Variants in DLG2 observed in about 807,000 individuals in gnomAD.
DLG2 encodes disks large homolog 2.
In DLG2, 45 loss-of-function variants were observed where a neutral mutation model predicts 132.5. That is an observed-to-expected ratio of 0.34 (90% confidence interval 0.27 to 0.44). The LOEUF is 0.44. DLG2 is among the 20% of genes least tolerant of loss of function. The pLI is 1.00. For missense variants in DLG2, 1,045 were observed against 1,196.9 expected (o/e 0.87, Z 1.87); for synonymous variants, 424 against 419.6 (o/e 1.01, Z -0.13).
At chr11:84,128,033 A>G (rs1261529737) in intron 9 of DLG2, among the ~76,000 whole-genome samples, 2 of 152,158 alleles carry the variant, frequency 1.3e-5, no homozygotes, top group African/African-American at 4.8e-5. Flanking sequence ...CCCCCTTTTC[A>G]ATGTTTGCTC....
At position 83,930,461 on chromosome 11, in the gene DLG2, T is replaced by G; in HGVS notation, c.1363A>C (p.Thr455Pro). The G allele has an allele frequency of 6.2e-7, 1 of 1,613,990 alleles. No individual in the cohort carries two copies. ...GGCTTATCACATAGTTTGTTCACAG[T>G]GCTGTAAACAGGTTCCGGAGGCCTG... ...YTRPPEPVYS[T>P]VNKLCDKPAS... Residue 455 changes from threonine (T) to proline (P), a missense_variant, in exon 15 of 28, where the codon ACT (threonine) becomes CCT (proline). Physicochemically the swap from Thr to Pro is conservative, Grantham distance 38. Transcript: ENST00000376104.
At chr11:85,519,078 T>C (rs1204333897) in intron 3 of DLG2, among the ~76,000 whole-genome samples, 3 of 151,806 alleles carry the variant, frequency 2.0e-5, no homozygotes, top group Admixed American at 6.6e-5. Flanking sequence ...AGGGCCCTCA[T>C]GGAGAACCTC....
At chr11:84,894,086 T>C (rs916554338) in intron 6 of DLG2, among the ~76,000 whole-genome samples, 1 of 152,186 alleles carries the variant, frequency 6.6e-6, no homozygotes, top group Non-Finnish European at 1.5e-5. Flanking sequence ...ATGTATACAA[T>C]GCCATCCTTT....
chr11:84,787,880 C>T (rs1169381714), intron 6 of DLG2, among the ~76,000 whole-genome samples: 1 of 150,680 alleles, frequency 6.6e-6, no homozygotes, highest in Admixed American at 6.6e-5. Flanking sequence ...AGGTGGATCA[C>T]TTGAGGCTAG....
chr11:83,694,862 G>A (rs12225390), intron 18 of DLG2, among the ~76,000 whole-genome samples: 28,286 of 152,166 alleles, frequency 0.19, 2,807 homozygotes, highest in South Asian at 0.24. Context: ...TCTTTTCACC[G>A]AATAGGTAAC....
chr11:84,784,366 A>T (rs139714059), intron 6 of DLG2, among the ~76,000 whole-genome samples: 34,600 of 147,364 alleles, frequency 0.23, 4,522 homozygotes, highest in Middle Eastern at 0.27. Context: ...ATAAATAAAT[A>T]AATTAAACAA....
intron 6 of DLG2, among the ~76,000 whole-genome samples, chr11:84,773,032 A>G (rs2069699242): frequency 1.3e-5 from 2 of 152,186 alleles, no homozygotes; most frequent in African/African-American, 4.8e-5. Context: ...AATAAGATCA[A>G]TAAACCACTA....
chr11:85,425,653 G>A (rs2090658236), intron 3 of DLG2, among the ~76,000 whole-genome samples: 1 of 151,990 alleles, frequency 6.6e-6, no homozygotes, highest in African/African-American at 2.4e-5. Flanking sequence ...AAAAAAATCG[G>A]GGGTGGAGGC....
intron 4 of DLG2, among the ~76,000 whole-genome samples, chr11:85,279,186 G>T (rs532631707): frequency 6.6e-6 from 1 of 152,114 alleles, no homozygotes; most frequent in Non-Finnish European, 1.5e-5. Context: ...AAGTAAAAAG[G>T]ATAGGTTAAA....
chr11:84,548,170 T>C (rs1033454685), intron 6 of DLG2, among the ~76,000 whole-genome samples: 1 of 152,140 alleles, frequency 6.6e-6, no homozygotes, highest in African/African-American at 2.4e-5. Context: ...AACAGTAACA[T>C]GCAGAGAAGA....
chr11:85,098,896 C>T (rs2070381153), intron 6 of DLG2, among the ~76,000 whole-genome samples: 1 of 152,174 alleles, frequency 6.6e-6, no homozygotes, highest in Non-Finnish European at 1.5e-5. Flanking sequence ...TCCCTCACTG[C>T]TATCCCTTCT....
At chr11:85,231,897 C>T (rs76383821) in intron 4 of DLG2, among the ~76,000 whole-genome samples, 117 of 152,016 alleles carry the variant, frequency 7.7e-4, no homozygotes, top group African/African-American at 2.6e-3. Context: ...ATGTAGCTCA[C>T]AAATATTTAG....
chr11:84,536,162 A>G (rs1233801509), intron 6 of DLG2, among the ~76,000 whole-genome samples: 2 of 152,304 alleles, frequency 1.3e-5, no homozygotes, highest in Non-Finnish European at 2.9e-5. Context: ...TAACAATGCC[A>G]TAACTGCAGT....
intron 7 of DLG2, among the ~76,000 whole-genome samples, chr11:84,477,026 G>A (rs765528296): frequency 9.9e-5 from 15 of 152,186 alleles, no homozygotes; most frequent in African/African-American, 2.4e-4. Flanking sequence ...TAGACAGACC[G>A]CAGGAAACAC....
chr11:83,690,841 G>T (rs2080865586), intron 18 of DLG2, among the ~76,000 whole-genome samples: 1 of 152,196 alleles, frequency 6.6e-6, no homozygotes, highest in African/African-American at 2.4e-5. Context: ...TTATATAAAA[G>T]TTACATGAAA....
At chr11:83,840,237 T>A (rs563917881) in intron 16 of DLG2, among the ~76,000 whole-genome samples, 2 of 152,330 alleles carry the variant, frequency 1.3e-5, no homozygotes, top group South Asian at 4.1e-4. Flanking sequence ...CAGTGTGTCA[T>A]AATTGCTCAT....
At chr11:85,030,170 A>G (rs77052820) in intron 6 of DLG2, among the ~76,000 whole-genome samples, 5,866 of 152,270 alleles carry the variant, frequency 0.039, 166 homozygotes, top group Non-Finnish European at 0.056. Flanking sequence ...ACTTTTGTCA[A>G]TATTTATCTT....
At chr11:84,270,006 A>G (rs2154363358) in intron 7 of DLG2, among the ~76,000 whole-genome samples, 1 of 152,316 alleles carries the variant, frequency 6.6e-6, no homozygotes, top group East Asian at 1.9e-4. Context: ...AGAAAATGTG[A>G]GTGAGCTGAT....
At chr11:84,589,056 G>A (rs1272449367) in intron 6 of DLG2, among the ~76,000 whole-genome samples, 1 of 152,128 alleles carries the variant, frequency 6.6e-6, no homozygotes, top group African/African-American at 2.4e-5. Context: ...AAGTGGTGGG[G>A]TCTGGTAACA....
Sources: allele counts gnomAD v4.1 joint callset (sites outside exome capture counted in the v4.1 genomes callset), GRCh38; gene constraint gnomAD v4.1.1; transcripts MANE v1.5; gene names NCBI Gene and HGNC (gene_info 2026-07-23, HGNC 2026-07-21).